The following TGM3 variants were observed in gnomAD, a reference collection of about 807,000 sequenced individuals.
TGM3 encodes transglutaminase 3.
In TGM3, 52 loss-of-function variants were observed where a neutral mutation model predicts 73.8. The observed-to-expected ratio is 0.70, with a 90% confidence interval of 0.56 to 0.89. The LOEUF (loss-of-function observed/expected upper bound fraction) is 0.89, where lower values mean the gene tolerates loss of function less well. Among genes scored for constraint, TGM3 ranks in the 40% least tolerant of loss-of-function variants. The probability of loss-of-function intolerance (pLI) is 0.00; values close to 1 mark genes in which losing one functional copy is unlikely to be tolerated. For missense variants in TGM3, 928 were observed against 909.9 expected, an observed-to-expected ratio of 1.02 and a Z score of -0.26; for synonymous variants, 372 against 354.9, an observed-to-expected ratio of 1.05 and a Z score of -0.54.
intron 12 of TGM3, among the ~76,000 whole-genome samples, 198 bp from the exon 13 acceptor site, chr20:2,340,236 A>C (rs965872526): frequency 8.0e-5 from 12 of 149,872 alleles, no homozygotes; most frequent in African/African-American, 2.7e-4. Flanking sequence ...AGATCATGGG[A>C]CCCCCCCCTC....
intron 1 of TGM3, among the ~76,000 whole-genome samples, chr20:2,298,685 C>T (rs1029272836): frequency 1.3e-5 from 2 of 152,256 alleles, no homozygotes; most frequent in African/African-American, 4.8e-5. Flanking sequence ...AGTCGCCCCT[C>T]CTCCCATGGA....
intron 9 of TGM3, among the ~76,000 whole-genome samples, chr20:2,331,005 CAAAAAAAAAAA>C (rs59627856): frequency 1.5e-5 from 1 of 65,480 alleles, no homozygotes; most frequent in Non-Finnish European, 3.1e-5. Context: ...GACCCTGTCA[CAAAAAAAAAAA>C]AAAAAAAAAA....
At chr20:2,323,211 C>T (rs2084270691) in intron 7 of TGM3, among the ~76,000 whole-genome samples, 1 of 152,324 alleles carries the variant, frequency 6.6e-6, no homozygotes, top group East Asian at 1.9e-4. Context: ...CCCTCACCCC[C>T]TTCCCACCTT....
At chr20:2,331,737 G>A (rs2084321741) in intron 9 of TGM3, among the ~76,000 whole-genome samples, 1 of 152,136 alleles carries the variant, frequency 6.6e-6, no homozygotes, top group South Asian at 2.1e-4. Context: ...AAATGATCAA[G>A]CCACATAGTA....
intron 7 of TGM3, among the ~76,000 whole-genome samples, chr20:2,323,008 T>A (rs1209715051): frequency 2.0e-5 from 3 of 152,222 alleles, no homozygotes; most frequent in African/African-American, 7.2e-5. Flanking sequence ...TTATGTATAA[T>A]TTTTTAATGA....
chr20:2,334,721 A>T lies in TGM3; in HGVS notation c.1643-395A>T, dbSNP rs2084338943. On this transcript the variant is annotated intron_variant, in intron 10 of 12. Transcript: ENST00000381458. This position sits in a 1 kb window ranked among gnomAD's most constrained non-coding sequence, Gnocchi z 4.0. ...CACTTTGGGAGGCCAAGGCGGGAGG[A>T]TCCCTTGAGTCCAGGAGTTTGAGAC... Among the ~76,000 whole-genome samples, 2 of 152,128 alleles carry T rather than the reference A, an allele frequency of 1.3e-5. No individual in the cohort carries two copies. Among genetic ancestry groups the T allele is most frequent in the Non-Finnish European group, 2.9e-5 (2 of 68,016 alleles).
rs546680374 is a variant in TGM3 at position 2,332,343 on chromosome 20, A to T, written c.1642+33A>T. The T allele has an allele frequency of 1.3e-6, 2 of 1,533,190 alleles. No individual in the cohort carries two copies. Among genetic ancestry groups the T allele is most frequent in the Admixed American group, 3.9e-5 (2 of 51,580 alleles). 95.0% of individuals were successfully genotyped at this position (1,533,190 alleles called of 1,614,324 possible). A position where few individuals can be genotyped will look rare whatever the true frequency, so the allele number is the denominator to read the frequency against. On this transcript the variant is annotated intron_variant, in intron 10 of 12. Transcript: ENST00000381458. The surrounding 1 kb of genome is among the most constrained non-coding windows in gnomAD (Gnocchi z 4.4). ...ATCCCGCAGTTGGAGGAGATCCACG[A>T]ATCCGAGGTAGCCAATGGCCTTCTG...
At chr20:2,298,486 T>C (rs1468182119) in intron 1 of TGM3, among the ~76,000 whole-genome samples, 1 of 152,218 alleles carries the variant, frequency 6.6e-6, no homozygotes, top group African/African-American at 2.4e-5. Flanking sequence ...AACCTCTGTT[T>C]TGGGGACTAA....
At position 2,334,423 on chromosome 20, in the gene TGM3, C is replaced by T. The variant is rs773292110; in HGVS notation, c.1643-693C>T. The stretch of plus-strand genomic sequence containing the variant: ...CAAAACGAAAAACAGCTTTCCAAAG[C>T]TTTGTCTGGCTGGTGTGTGGATGAT... On this transcript the variant is annotated intron_variant, in intron 10 of 12. Transcript: ENST00000381458. The surrounding 1 kb of genome is among the most constrained non-coding windows in gnomAD (Gnocchi z 4.0). 2.6e-5 allele frequency among the ~76,000 whole-genome samples: 4 copies of T among 152,276 alleles called. No individual in the cohort carries two copies. The highest frequency in any genetic ancestry group is 2.1e-4 in the South Asian group (1 of 4,820).
Position 2,334,330 on chromosome 20 carries a change from G to A in TGM3, c.1643-786G>A, listed in dbSNP as rs988956422. ...GTCTGAACTTTATCTAAGGCAATGAGGAGCCACGGAAGATTTTTGAAGTCA... is the reference window on the plus strand; with the variant it reads ...GTCTGAACTTTATCTAAGGCAATGAAGAGCCACGGAAGATTTTTGAAGTCA... On this transcript the variant is annotated intron_variant, in intron 10 of 12. Transcript: ENST00000381458. This position sits in a 1 kb window ranked among gnomAD's most constrained non-coding sequence, Gnocchi z 4.0. Among the ~76,000 whole-genome samples, 4 of 152,184 alleles carry A rather than the reference G, an allele frequency of 2.6e-5. No individual in the cohort carries two copies. Among genetic ancestry groups the A allele is most frequent in the African/African-American group, 9.7e-5 (4 of 41,444 alleles).
At chr20:2,301,531 GAA>G (rs5839947) in intron 1 of TGM3, among the ~76,000 whole-genome samples, 5 of 133,646 alleles carry the variant, frequency 3.7e-5, no homozygotes, top group East Asian at 2.1e-4. Context: ...CAGCCATTAA[GAA>G]AAAAAAAAAA....
At chr20:2,309,926 A>G (rs535769835) in intron 2 of TGM3, 96 bp downstream of exon 2, 3 of 1,526,066 alleles carry the variant, frequency 2.0e-6, no homozygotes, top group East Asian at 4.5e-5. Context: ...GGCCACTGGC[A>G]TTGGGTTCTA....
Position 2,310,313 on chromosome 20 carries a change from C to T in TGM3, c.317C>T (p.Ala106Val), listed in dbSNP as rs781035056. 6.2e-7 allele frequency: 1 copy of T among 1,614,116 alleles called. No homozygotes were observed. The highest frequency in any genetic ancestry group is 8.5e-7 in the Non-Finnish European group (1 of 1,180,034). ...ATCAGCATCTCCAGTCCTGCCAGCG[C>T]ACCCATAGGACGGTACACAATGGCC... ...LTISISSPAS[A>V]PIGRYTMALQ... Residue 106 changes from alanine to valine, a missense_variant, in exon 3 of 13, where the codon GCA (alanine) becomes GTA (valine). Coordinates refer to ENST00000381458, the MANE Select transcript of TGM3 (RefSeq NM_003245.4).
At chr20:2,331,976 T>C in intron 9 of TGM3, 26 bp from the exon 10 acceptor site, 1 of 1,572,956 alleles carries the variant, frequency 6.4e-7, no homozygotes, top group Non-Finnish European at 8.6e-7. Flanking sequence ...ATCCCTGGCA[T>C]GTTTCTGTCT....
intron 1 of TGM3, among the ~76,000 whole-genome samples, chr20:2,301,176 G>A (rs577451083): frequency 2.6e-5 from 4 of 151,838 alleles, no homozygotes; most frequent in South Asian, 4.2e-4. Flanking sequence ...AATGACACAG[G>A]CTAGAAAGAG....
intron 1 of TGM3, among the ~76,000 whole-genome samples, chr20:2,299,322 C>A (rs1414204458): frequency 3.3e-5 from 5 of 152,156 alleles, no homozygotes; most frequent in African/African-American, 4.8e-5. Context: ...TCCCAGGGGA[C>A]CCTCTCCATT....
intron 9 of TGM3, among the ~76,000 whole-genome samples, chr20:2,331,268 T>C (rs1600706828): frequency 6.6e-6 from 1 of 152,172 alleles, no homozygotes; most frequent in Admixed American, 6.5e-5. Context: ...TACTCAGCTC[T>C]GTGTGCCCTC....
In TGM3 at chr20:2,305,737, C is replaced by G. The variant is rs145527696; in HGVS notation, c.8-3920C>G. 1.3e-3 allele frequency among the ~76,000 whole-genome samples: 195 copies of G among 152,300 alleles called. 2 individuals carry two copies. The East Asian group carries it at 0.022, about 17-fold the overall frequency. On this transcript the variant is annotated intron_variant, in intron 1 of 12. Transcript: ENST00000381458. ...AAGGCAGAGATGATGAGTGCAAATG[C>G]GAGCTCTGGAGCCTGCAGTCCTCCA...
chr20:2,301,324 G>A (rs214782), intron 1 of TGM3, among the ~76,000 whole-genome samples: 109,829 of 149,486 alleles, frequency 0.73, 42,339 homozygotes, highest in East Asian at 0.93. Flanking sequence ...TCGGTGACCA[G>A]GATCTGAGAC....
Sources: allele counts gnomAD v4.1 joint callset (sites outside exome capture counted in the v4.1 genomes callset), GRCh38; gene constraint gnomAD v4.1.1; non-coding constraint Gnocchi (gnomAD v3.1); transcripts MANE v1.5; gene names NCBI Gene and HGNC (gene_info 2026-07-23, HGNC 2026-07-21).